The following PXDNL variants were observed in gnomAD, a reference collection of about 807,000 sequenced individuals.
PXDNL encodes probable oxidoreductase PXDNL.
Under a neutral mutation model 150.8 loss-of-function variants are expected in PXDNL, and 145 were observed. The ratio of observed to expected loss-of-function variants is 0.96; its 90% CI spans 0.84 to 1.10. The LOEUF is 1.10. Ranked by LOEUF, PXDNL falls within the 50% of genes least tolerant of loss-of-function variation. The pLI, the probability that PXDNL is intolerant of heterozygous loss-of-function variation, is 0.00. For synonymous variants in PXDNL, 757 were observed against 725.7 expected (o/e 1.04, Z -0.69); for missense variants, 2,087 against 1,873.9 (o/e 1.11, Z -2.10).
chr8:51,520,454 C>T (rs1314714837), intron 4 of PXDNL, among the ~76,000 whole-genome samples: 1 of 152,022 alleles, frequency 6.6e-6, no homozygotes, highest in Non-Finnish European at 1.5e-5. Context: ...GGGACGGAAA[C>T]GCGGGAGAGC....
At chr8:51,748,607 G>T (rs1585720413) in intron 1 of PXDNL, among the ~76,000 whole-genome samples, 2 of 152,196 alleles carry the variant, frequency 1.3e-5, no homozygotes, top group East Asian at 3.9e-4. Flanking sequence ...GTTTGGGCAT[G>T]GGGGTGAAGC....
intron 1 of PXDNL, among the ~76,000 whole-genome samples, chr8:51,716,942 CAGTT>C (rs1563298662): frequency 6.6e-6 from 1 of 152,152 alleles, no homozygotes. Flanking sequence ...TCTACTCTAT[CAGTT>C]AGGAATGATT....
At chr8:51,481,432 C>T (rs1585509411) in intron 6 of PXDNL, among the ~76,000 whole-genome samples, 1 of 152,118 alleles carries the variant, frequency 6.6e-6, no homozygotes, top group South Asian at 2.1e-4. Flanking sequence ...AATTTGCAGC[C>T]TCATGATGCA....
At chr8:51,391,601 C>A (rs1425373886) in intron 17 of PXDNL, among the ~76,000 whole-genome samples, 1 of 151,900 alleles carries the variant, frequency 6.6e-6, no homozygotes, top group Non-Finnish European at 1.5e-5. Flanking sequence ...TTGTTTTTTT[C>A]TTGTAAATTT....
At chr8:51,419,779 T>G (rs1366066770) in intron 14 of PXDNL, among the ~76,000 whole-genome samples, 2 of 152,190 alleles carry the variant, frequency 1.3e-5, no homozygotes, top group Non-Finnish European at 2.9e-5. Context: ...CTAAATAAAA[T>G]GTGTAGCATT....
At chr8:51,543,710 C>CAAAAAAAAA (rs572642373) in intron 4 of PXDNL, among the ~76,000 whole-genome samples, 22 of 60,290 alleles carry the variant, frequency 3.6e-4, no homozygotes, top group East Asian at 1.4e-3. Flanking sequence ...GACTCCATAT[C>CAAAAAAAAA]AAAAAAAAAA....
In PXDNL at chr8:51,594,961, T is replaced by G. The variant is rs546688456; in HGVS notation, c.237-2263A>C. Among the ~76,000 whole-genome samples, 9 of 152,190 alleles carry G rather than the reference T, an allele frequency of 5.9e-5. No homozygotes were observed. The East Asian group carries it at 1.7e-3, about 29-fold the overall frequency. ...ACAAGCATAGGGAAATTTGTGGCTG[T>G]ACCCTATATCCTCATGATGCCCATG... On this transcript the variant is annotated intron_variant, in intron 2 of 22. Coordinates refer to ENST00000356297, the MANE Select transcript of PXDNL (RefSeq NM_144651.5).
chr8:51,541,253 T>TTAAAAAAAAA (rs1812210599), intron 4 of PXDNL, among the ~76,000 whole-genome samples: 1 of 127,230 alleles, frequency 7.9e-6, no homozygotes, highest in African/African-American at 3.0e-5. Context: ...TGAGACTCCA[T>TTAAAAAAAAA]AAAAAAAAAA....
chr8:51,696,715 T>TC (rs1816141488), intron 1 of PXDNL, among the ~76,000 whole-genome samples: 1 of 6,694 alleles, frequency 1.5e-4, no homozygotes, highest in African/African-American at 4.5e-4. Flanking sequence ...ACACACAGGT[T>TC]CACACACATC....
In PXDNL at chr8:51,415,062, G is replaced by C. The variant is rs895946767; in HGVS notation, c.1796-1804C>G. 3.4e-4 allele frequency among the ~76,000 whole-genome samples: 52 copies of C among 152,150 alleles called. 1 individual carries two copies. Among genetic ancestry groups the C allele is most frequent in the Non-Finnish European group, 2.1e-4 (14 of 68,016 alleles). Reference sequence around the variant, plus strand: ...TTGTATTTAGAGCCTTCTTTGGCGGGGGGGAGATGGCAGTTGTTACTTTGT... The same window carrying C: ...TTGTATTTAGAGCCTTCTTTGGCGGCGGGGAGATGGCAGTTGTTACTTTGT... On this transcript the variant is annotated intron_variant, in intron 14 of 22. Coordinates refer to ENST00000356297, the MANE Select transcript of PXDNL (RefSeq NM_144651.5).
At chr8:51,543,355 T>C (rs1033779733) in intron 4 of PXDNL, among the ~76,000 whole-genome samples, 2 of 152,078 alleles carry the variant, frequency 1.3e-5, no homozygotes, top group African/African-American at 4.8e-5. Flanking sequence ...AGAAGCTTCC[T>C]GTTGTCTAAA....
chr8:51,809,051 G>A lies in PXDNL; in HGVS notation c.164+130C>T, dbSNP rs1585767251. On this transcript the variant is annotated intron_variant, in intron 1 of 22. Coordinates refer to ENST00000356297, the MANE Select transcript of PXDNL (RefSeq NM_144651.5). The stretch of plus-strand genomic sequence containing the variant: ...GCAGAACCATGAAATTGTTTGAAAA[G>A]TGAAAAGCCTCTTCTAAGTATACAA... 30 of 929,848 alleles carry A rather than the reference G, an allele frequency of 3.2e-5. 1 individual carries two copies. In the East Asian group the frequency reaches 8.1e-4, roughly 25 times the overall value. 57.6% of individuals were successfully genotyped at this position (929,848 alleles called of 1,614,324 possible).
chr8:51,634,406 G>A (rs1585635286), intron 2 of PXDNL, among the ~76,000 whole-genome samples: 1 of 151,998 alleles, frequency 6.6e-6, no homozygotes, highest in Admixed American at 6.6e-5. Flanking sequence ...TTTGAAGTTG[G>A]GTTATGTGAT....
chr8:51,441,458 A>G (rs1413407210), intron 12 of PXDNL, among the ~76,000 whole-genome samples: 1 of 152,226 alleles, frequency 6.6e-6, no homozygotes, highest in South Asian at 2.1e-4. Flanking sequence ...TGGTCAGTGG[A>G]CTTGATGACA....
chr8:51,351,621 A>T (rs150226410), intron 19 of PXDNL, among the ~76,000 whole-genome samples: 2 of 152,304 alleles, frequency 1.3e-5, no homozygotes, highest in African/African-American at 4.8e-5. Context: ...AAACTACCAC[A>T]CGCAGCACAT....
intron 21 of PXDNL, among the ~76,000 whole-genome samples, chr8:51,330,565 G>T (rs972376378): frequency 7.1e-6 from 1 of 140,784 alleles, no homozygotes; most frequent in Non-Finnish European, 1.6e-5. Context: ...GAGGCTGAAA[G>T]TCCAAAATCA....
chr8:51,615,943 G>A (rs1413435372), intron 2 of PXDNL, among the ~76,000 whole-genome samples: 1 of 152,132 alleles, frequency 6.6e-6, no homozygotes, highest in African/African-American at 2.4e-5. Flanking sequence ...CTATGAGACT[G>A]TCCATGCAAG....
chr8:51,541,127 A>G (rs190137446), intron 4 of PXDNL, among the ~76,000 whole-genome samples: 2,834 of 151,908 alleles, frequency 0.019, 40 homozygotes, highest in African/African-American at 0.035. Context: ...GCGTGGTGGC[A>G]TGTGCCTATA....
intron 17 of PXDNL, among the ~76,000 whole-genome samples, chr8:51,390,373 C>G (rs1807855179): frequency 6.6e-6 from 1 of 152,106 alleles, no homozygotes; most frequent in Admixed American, 6.6e-5. Context: ...TCAGATAGAT[C>G]ATGCAATTTG....
Sources: gnomAD v4.1 joint callset for allele counts (sites outside exome capture counted in the v4.1 genomes callset) on GRCh38, gnomAD v4.1.1 for gene constraint, MANE v1.5 for transcripts, NCBI Gene and HGNC (gene_info 2026-07-23, HGNC 2026-07-21) for gene names.